PPP1R12A: variants seen among roughly 807,000 people sequenced by gnomAD.
The protein encoded by PPP1R12A is protein phosphatase 1 regulatory subunit 12A.
PPP1R12A carries 19 observed loss-of-function variants against 139.6 expected under a neutral mutation model. The observed-to-expected ratio is 0.14, with a 90% CI of 0.09 to 0.20. The LOEUF (loss-of-function observed/expected upper bound fraction) is 0.20. PPP1R12A is among the 10% of genes least tolerant of loss of function. The pLI is 1.00. For synonymous variants in PPP1R12A, 427 were observed against 420.6 expected (o/e 1.02, Z -0.19); for missense variants, 925 against 1,211.5 (o/e 0.76, Z 3.51).
intron 9 of PPP1R12A, among the ~76,000 whole-genome samples, chr12:79,816,023 A>C (rs749674884): frequency 6.6e-6 from 1 of 152,098 alleles, no homozygotes; most frequent in Non-Finnish European, 1.5e-5. Flanking sequence ...AAAAAGATCT[A>C]TATTTTGACC....
At chr12:79,807,133 G>T in intron 12 of PPP1R12A, 93 bp downstream of exon 12, 1 of 663,136 alleles carries the variant, frequency 1.5e-6, no homozygotes, top group Non-Finnish European at 2.5e-6. Flanking sequence ...ACACATATTT[G>T]TTTAAAATGA....
chr12:79,796,259 A>G (rs1433482247), intron 17 of PPP1R12A, among the ~76,000 whole-genome samples: 1 of 152,020 alleles, frequency 6.6e-6, no homozygotes, highest in Non-Finnish European at 1.5e-5. Context: ...GAATTTAAAT[A>G]GAAAGTTTAT....
chr12:79,820,995 C>T (rs1481004735), intron 7 of PPP1R12A, 64 bp from the exon 8 acceptor site: 2 of 1,598,326 alleles, frequency 1.3e-6, no homozygotes, highest in Non-Finnish European at 1.7e-6. Context: ...ATTCATTCTT[C>T]CCAGATCCAC....
chr12:79,811,196 TAGC>T (rs2137074219), intron 9 of PPP1R12A, among the ~76,000 whole-genome samples: 1 of 152,300 alleles, frequency 6.6e-6, no homozygotes, highest in Non-Finnish European at 1.5e-5. Flanking sequence ...TTGCTATAAT[TAGC>T]AGGTTAACAG....
intron 5 of PPP1R12A, among the ~76,000 whole-genome samples, chr12:79,824,554 A>G (rs1876529637): frequency 6.6e-6 from 1 of 152,186 alleles, no homozygotes; most frequent in South Asian, 2.1e-4. Flanking sequence ...CTGATACACA[A>G]TCAAATTAGA....
At chr12:79,837,040 G>C (rs903522870) in intron 3 of PPP1R12A, among the ~76,000 whole-genome samples, 7 of 152,084 alleles carry the variant, frequency 4.6e-5, no homozygotes, top group African/African-American at 1.7e-4. Context: ...ACACTAAGGT[G>C]TTAATTATCA....
chr12:79,868,572 A>T (rs1882236203), intron 2 of PPP1R12A, among the ~76,000 whole-genome samples: 1 of 152,264 alleles, frequency 6.6e-6, no homozygotes, highest in South Asian at 2.1e-4. Context: ...TGGTTGGTAG[A>T]TGGCTGCCTT....
chr12:79,829,687 T>C (rs1404591211), intron 4 of PPP1R12A, among the ~76,000 whole-genome samples: 1 of 152,002 alleles, frequency 6.6e-6, no homozygotes, highest in Admixed American at 6.6e-5. Flanking sequence ...ATATATATTA[T>C]CAGAAACCTT....
chr12:79,809,056 G>C (rs567546817), intron 10 of PPP1R12A, among the ~76,000 whole-genome samples: 30 of 152,202 alleles, frequency 2.0e-4, no homozygotes, highest in African/African-American at 6.5e-4. Context: ...ATGGCTAAGA[G>C]TGTGTAGTGA....
chr12:79,920,778 C>G (rs912540351), intron 1 of PPP1R12A, among the ~76,000 whole-genome samples: 1 of 152,222 alleles, frequency 6.6e-6, no homozygotes, highest in Non-Finnish European at 1.5e-5. Context: ...CCTCAGGACT[C>G]TACAGAGTCC....
intron 1 of PPP1R12A, among the ~76,000 whole-genome samples, chr12:79,881,417 C>T (rs1883626792): frequency 6.6e-6 from 1 of 152,140 alleles, no homozygotes; most frequent in African/African-American, 2.4e-5. Flanking sequence ...GTGACCTGGA[C>T]AGGTCAAACT....
intron 1 of PPP1R12A, among the ~76,000 whole-genome samples, chr12:79,876,933 C>T (rs1592754819): frequency 6.6e-6 from 1 of 152,140 alleles, no homozygotes. Flanking sequence ...ACCGCTTGAC[C>T]CCGGGAGGCA....
chr12:79,774,434 T>C lies in PPP1R12A; in HGVS notation c.*1495A>G, dbSNP rs1261369850. The C allele has an allele frequency of 6.6e-6, 1 of 152,512 alleles. No homozygotes were observed. The highest frequency in any genetic ancestry group is 1.9e-4 in the East Asian group (1 of 5,192). The allele number at this position is 152,512 out of a possible 1,614,324, so 9.4% of individuals were successfully genotyped here. ...AATTCACATTTAATATAGTATACAA[T>C]ACAATCAATAATACAATCAGCTACT... On this transcript the variant is annotated 3_prime_UTR_variant, in exon 25 of 25. Transcript: ENST00000450142.
intron 14 of PPP1R12A, among the ~76,000 whole-genome samples, chr12:79,802,992 A>G (rs1352902127): frequency 6.6e-6 from 1 of 152,162 alleles, no homozygotes; most frequent in Non-Finnish European, 1.5e-5. Context: ...CTCTCTCCCT[A>G]TGAGCCTGGA....
At chr12:79,933,364 G>A (rs1346519366) in intron 1 of PPP1R12A, among the ~76,000 whole-genome samples, 4 of 152,068 alleles carry the variant, frequency 2.6e-5, no homozygotes, top group Non-Finnish European at 4.4e-5. Context: ...CAGTAAGCAG[G>A]ACAAGGAAAA....
Position 79,884,315 on chromosome 12 carries a change from A to AGGAG in PPP1R12A, c.238-11378_238-11377insCTCC, listed in dbSNP as rs1883910573. 2.6e-5 allele frequency among the ~76,000 whole-genome samples: 4 copies of AGGAG among 152,228 alleles called. No homozygotes were observed. In the South Asian group the frequency reaches 8.3e-4, roughly 31 times the overall value. ...TTTGATTTTAAATGTATATACTTTT[A>AGGAG]AGTCGACATAAGAAACACCAACAAA... On this transcript the variant is annotated intron_variant, in intron 1 of 24. Transcript: ENST00000450142.
chr12:79,813,483 T>C (rs914973661), intron 9 of PPP1R12A, among the ~76,000 whole-genome samples: 4 of 152,188 alleles, frequency 2.6e-5, no homozygotes, highest in African/African-American at 9.6e-5. Flanking sequence ...AGCTATTACA[T>C]TGAATTCAAT....
chr12:79,855,087 C>T (rs2137254918), intron 2 of PPP1R12A, among the ~76,000 whole-genome samples: 1 of 152,202 alleles, frequency 6.6e-6, no homozygotes, highest in South Asian at 2.1e-4. Flanking sequence ...CTCCCGGGTT[C>T]ATGCCATTCT....
chr12:79,808,712 T>C, intron 10 of PPP1R12A, 135 bp from the exon 11 acceptor site: 1 of 425,582 alleles, frequency 2.3e-6, no homozygotes, highest in Non-Finnish European at 4.2e-6. Flanking sequence ...CAACAATTCC[T>C]AGCTGAACTC....
Sources: allele counts gnomAD v4.1 joint callset (sites outside exome capture counted in the v4.1 genomes callset), GRCh38; gene constraint gnomAD v4.1.1; transcripts MANE v1.5; gene names NCBI Gene and HGNC (gene_info 2026-07-23, HGNC 2026-07-21).